Variants in TREM1 observed in about 807,000 individuals in gnomAD.
The protein encoded by TREM1 is triggering receptor expressed on myeloid cells 1, also known as triggering receptor expressed on monocytes 1.
A neutral mutation model predicts 22.4 loss-of-function variants in TREM1; 16 were observed. The ratio of observed to expected loss-of-function variants is 0.71; its 90% CI spans 0.48 to 1.08. TREM1 has a LOEUF of 1.08. TREM1 is among the 50% of genes least tolerant of loss of function. TREM1 has a pLI of 0.00. For missense variants in TREM1, 283 were observed against 282.9 expected (o/e 1.00, Z 0.00); for synonymous variants, 110 against 111.6 (o/e 0.99, Z 0.09).
exon 4 of TREM1, chr6:41,268,058 C>G (rs1251752416): frequency 2.5e-6 from 1 of 398,476 alleles, no homozygotes; most frequent in African/African-American, 2.1e-5. Flanking sequence ...CCACATCCAG[C>G]CTTCTGATGC....
chr6:41,282,450 C>A lies in TREM1; in HGVS notation c.351G>T (p.Gln117His), dbSNP rs903358029. 1 of 1,614,100 alleles carries A rather than the reference C, an allele frequency of 6.2e-7. No individual in the cohort carries two copies. The highest frequency in any genetic ancestry group is 1.1e-5 in the South Asian group (1 of 91,080). ...ACAGCATGTGAGGCTCCTTGGGAGG[C>A]TGGTAGATCACACACTGATACAGTC... ...DSGLYQCVIY[Q>H]PPKEPHMLFD... is the part of the protein sequence containing the mutation. Residue 117 changes from glutamine to histidine, a missense_variant, in exon 2 of 4, where the codon CAG (glutamine) becomes CAT (histidine). By Grantham distance (24) the Gln-to-His change is conservative (BLOSUM62 0). Coordinates refer to ENST00000244709, the MANE Select transcript of TREM1 (RefSeq NM_018643.5).
intron 3 of TREM1, chr6:41,280,696 G>C (rs1376662255): frequency 7.0e-7 from 1 of 1,423,856 alleles, no homozygotes; most frequent in East Asian, 2.5e-5. Flanking sequence ...ACTTGGGGAA[G>C]ATGCCATTTC....
chr6:41,277,635 C>T (rs1767723806), intron 3 of TREM1, among the ~76,000 whole-genome samples: 1 of 152,102 alleles, frequency 6.6e-6, no homozygotes, highest in African/African-American at 2.4e-5. Flanking sequence ...GCATTTTTTT[C>T]GAGGCTGCAC....
chr6:41,269,092 A>C (rs1767410553), downstream of TREM1, among the ~76,000 whole-genome samples: 2 of 152,208 alleles, frequency 1.3e-5, no homozygotes, highest in South Asian at 4.1e-4. Flanking sequence ...CAGAAGAGCA[A>C]TGTCCTCTGC....
At chr6:41,283,449 G>A (rs189227939) in intron 1 of TREM1, among the ~76,000 whole-genome samples, 23 of 152,258 alleles carry the variant, frequency 1.5e-4, no homozygotes, top group African/African-American at 3.4e-4. Flanking sequence ...AGTGGCTCAC[G>A]CATGTAATCC....
intron 3 of TREM1, among the ~76,000 whole-genome samples, chr6:41,279,250 T>C (rs1047470560): frequency 2.0e-5 from 3 of 152,098 alleles, no homozygotes; most frequent in Non-Finnish European, 2.9e-5. Flanking sequence ...TCACGTGGAG[T>C]ACTTAAAACC....
chr6:41,280,291 TAA>T, intron 3 of TREM1: 14 of 982,744 alleles, frequency 1.4e-5, no homozygotes, highest in Non-Finnish European at 1.6e-5. Context: ...GTGAAATTGC[TAA>T]GTTAGTGGTT....
In TREM1 at chr6:41,275,757, C is replaced by A; in HGVS notation, c.*368G>T. 1 of 281,432 alleles carries A rather than the reference C, an allele frequency of 3.6e-6. No individual in the cohort carries two copies. The highest frequency in any genetic ancestry group is 3.7e-5 in the South Asian group (1 of 27,268). The allele number at this position is 281,432 out of a possible 1,614,324, so 17.4% of individuals were successfully genotyped here. ...CCAGGTCAGGCCAAAATTGTATGGT[C>A]CAGGGCAAAACTGAGCAGGAGAAGT... On this transcript the variant is annotated 3_prime_UTR_variant, in exon 4 of 4. Transcript: ENST00000244709.
chr6:41,280,695 A>G (rs1212334372), intron 3 of TREM1: 1 of 1,421,718 alleles, frequency 7.0e-7, no homozygotes, highest in Non-Finnish European at 9.1e-7. Flanking sequence ...AACTTGGGGA[A>G]GATGCCATTT....
intron 3 of TREM1, chr6:41,280,539 T>C (rs1767862038): frequency 1.8e-6 from 2 of 1,092,828 alleles, no homozygotes; most frequent in African/African-American, 1.6e-5. Flanking sequence ...GCCTACTGAA[T>C]TGTCAAAGAA....
downstream of TREM1, among the ~76,000 whole-genome samples, chr6:41,271,911 C>G (rs1178487683): frequency 1.3e-5 from 2 of 152,178 alleles, no homozygotes; most frequent in Non-Finnish European, 2.9e-5. Flanking sequence ...GCCTGCTTAC[C>G]CACTCTCCTT....
chr6:41,281,298 G>T, intron 2 of TREM1, 145 bp from the exon 3 acceptor site: 3 of 957,148 alleles, frequency 3.1e-6, no homozygotes, highest in Non-Finnish European at 4.5e-6. Flanking sequence ...AGCTGAGGAG[G>T]GAAATGAGCA....
At chr6:41,281,402 G>C (rs1767915793) in intron 2 of TREM1, 2 of 500,602 alleles carry the variant, frequency 4.0e-6, no homozygotes, top group South Asian at 2.9e-5. Flanking sequence ...AAGAAAAAAA[G>C]GGCAGGAAGT....
intron 1 of TREM1, among the ~76,000 whole-genome samples, chr6:41,283,735 C>A (rs565667347): frequency 6.6e-6 from 1 of 151,650 alleles, no homozygotes; most frequent in South Asian, 2.1e-4. Context: ...CACACACACA[C>A]ACACATACAC....
chr6:41,273,993 A>G lies in TREM1; in HGVS notation c.*2132T>C, dbSNP rs1308459188. On this transcript the variant is annotated 3_prime_UTR_variant, in exon 4 of 4. Transcript: ENST00000244709. ...TTCCCAGGCAGGATGGGGAGGATGG[A>G]GCATGGCGTGGCCTGTAAGTGCAAA... 6.6e-6 allele frequency among the ~76,000 whole-genome samples: 1 copy of G among 152,202 alleles called. No homozygotes were observed. The highest frequency in any genetic ancestry group is 6.5e-5 in the Admixed American group (1 of 15,284).
chr6:41,282,464 A>G lies in TREM1; in HGVS notation c.337T>C (p.Cys113Arg). 6.2e-7 allele frequency: 1 copy of G among 1,614,092 alleles called. No homozygotes were observed. The part of the protein sequence containing the change: ...LQVEDSGLYQ[C>R]VIYQPPKEPH... ...TCCTTGGGAGGCTGGTAGATCACAC[A>G]CTGATACAGTCCAGAATCTTCCACT... The change falls in exon 2 of 4, where the codon TGT (cysteine) becomes CGT (arginine). Residue 113 changes from cysteine (C) to arginine (R), a missense_variant. Physicochemically the swap from Cys to Arg is radical, Grantham distance 180. Transcript: ENST00000244709.
chr6:41,278,679 GA>G (rs1001342616), intron 3 of TREM1, among the ~76,000 whole-genome samples: 2 of 151,604 alleles, frequency 1.3e-5, no homozygotes, highest in Non-Finnish European at 2.9e-5. Context: ...AAAAGAAAAA[GA>G]AAAAAAGCTT....
downstream of TREM1, among the ~76,000 whole-genome samples, chr6:41,272,084 C>T (rs4714447): frequency 0.29 from 43,473 of 152,040 alleles, 6,732 homozygotes; most frequent in East Asian, 0.36. Context: ...CATCTCCCCA[C>T]GAGGCTGGGT....
At chr6:41,278,046 C>T (rs1001551295) in intron 3 of TREM1, among the ~76,000 whole-genome samples, 6 of 151,742 alleles carry the variant, frequency 4.0e-5, no homozygotes, top group Admixed American at 2.0e-4. Context: ...CTCAGCCTCC[C>T]GAGTAGCTGG....
Sources: allele counts gnomAD v4.1 joint callset (sites outside exome capture counted in the v4.1 genomes callset), GRCh38; gene constraint gnomAD v4.1.1; transcripts MANE v1.5; gene names NCBI Gene and HGNC (gene_info 2026-07-23, HGNC 2026-07-21).